The following KCNH8 variants were observed in gnomAD, a reference collection of about 807,000 sequenced individuals.
The protein encoded by KCNH8 is potassium voltage-gated channel subfamily H member 8.
Under a neutral mutation model 103.6 loss-of-function variants are expected in KCNH8, and 70 were observed. The observed-to-expected ratio is 0.68, with a 90% CI of 0.56 to 0.82. KCNH8 has a LOEUF of 0.82. Among genes scored for constraint, KCNH8 ranks in the 40% least tolerant of loss-of-function variants. KCNH8 has a pLI of 0.00. For synonymous variants in KCNH8, 498 were observed against 489.4 expected, an observed-to-expected ratio of 1.02 and a Z score of -0.23; for missense variants, 1,217 against 1,329.9, an observed-to-expected ratio of 0.92 and a Z score of 1.32.
intron 3 of KCNH8, among the ~76,000 whole-genome samples, chr3:19,325,982 CA>C (rs2065418020): frequency 1.3e-5 from 2 of 152,110 alleles, no homozygotes; most frequent in African/African-American, 4.8e-5. Context: ...TGTACATATA[CA>C]TCACAAAATA....
chr3:19,295,396 A>C (rs959604361), intron 3 of KCNH8, among the ~76,000 whole-genome samples: 2 of 143,422 alleles, frequency 1.4e-5, no homozygotes, highest in Non-Finnish European at 3.2e-5. Context: ...ATAAATAAAT[A>C]AATAAATAAA....
chr3:19,400,544 G>A (rs1021102099), intron 7 of KCNH8, among the ~76,000 whole-genome samples: 2 of 151,878 alleles, frequency 1.3e-5, no homozygotes, highest in African/African-American at 4.8e-5. Context: ...GTAATAGAGA[G>A]GAAGCTCTTT....
chr3:19,261,704 C>G (rs2064437985), intron 2 of KCNH8, among the ~76,000 whole-genome samples: 1 of 151,554 alleles, frequency 6.6e-6, no homozygotes, highest in East Asian at 1.9e-4. Flanking sequence ...TTTTCCTCCC[C>G]TATATTTTCT....
rs1438408355 is a variant in KCNH8, at chr3:19,449,045, T to A, written c.1376-1061T>A. ...AAAATCCTGTCATACCTTCTCTGAC[T>A]TGATGATACCTAGATGCTTCCCAAA... On this transcript the variant is annotated intron_variant, in intron 8 of 15. Coordinates refer to ENST00000328405, the MANE Select transcript of KCNH8 (RefSeq NM_144633.3). 8.0e-6 allele frequency: 8 copies of A among 997,306 alleles called. No individual in the cohort carries two copies. The African/African-American group carries it at 8.3e-5, about 10-fold the overall frequency. 61.8% of individuals were successfully genotyped at this position (997,306 alleles called of 1,614,324 possible). A position where few individuals can be genotyped will look rare whatever the true frequency, so the allele number is the denominator to read the frequency against.
intron 3 of KCNH8, among the ~76,000 whole-genome samples, chr3:19,297,603 G>C (rs945712014): frequency 6.6e-6 from 1 of 152,150 alleles, no homozygotes; most frequent in African/African-American, 2.4e-5. Flanking sequence ...ATGACTTCAG[G>C]TAAGCTCAAA....
chr3:19,361,334 G>A (rs1356725571), intron 5 of KCNH8, among the ~76,000 whole-genome samples: 4 of 152,056 alleles, frequency 2.6e-5, no homozygotes, highest in African/African-American at 7.2e-5. Flanking sequence ...TGAAAGTCTT[G>A]TGGAGTAAAG....
At chr3:19,460,321 A>C (rs1319054475) in intron 11 of KCNH8, among the ~76,000 whole-genome samples, 1 of 151,938 alleles carries the variant, frequency 6.6e-6, no homozygotes, top group Non-Finnish European at 1.5e-5. Context: ...TCTCCCCAAC[A>C]CCACGTGACT....
chr3:19,503,469 A>G (rs1246018213), intron 11 of KCNH8, among the ~76,000 whole-genome samples: 2 of 152,198 alleles, frequency 1.3e-5, no homozygotes, highest in South Asian at 2.1e-4. Flanking sequence ...CTATAAAGAC[A>G]CATGCACACG....
chr3:19,424,259 T>C (rs1466029264), intron 7 of KCNH8, among the ~76,000 whole-genome samples: 1 of 151,978 alleles, frequency 6.6e-6, no homozygotes, highest in Non-Finnish European at 1.5e-5. Context: ...GGTATAAAAA[T>C]AGGCACACAG....
chr3:19,372,187 A>G (rs973655751), intron 5 of KCNH8, among the ~76,000 whole-genome samples: 4 of 152,268 alleles, frequency 2.6e-5, no homozygotes, highest in Admixed American at 1.3e-4. Flanking sequence ...CACTGAATCT[A>G]TAAATTACCT....
intron 3 of KCNH8, among the ~76,000 whole-genome samples, chr3:19,337,258 C>T (rs1294943385): frequency 1.3e-5 from 2 of 151,876 alleles, no homozygotes; most frequent in Non-Finnish European, 2.9e-5. Flanking sequence ...AAACTAATGC[C>T]TAACAAAGTG....
chr3:19,523,125 A>C (rs529174671), intron 15 of KCNH8, among the ~76,000 whole-genome samples: 2 of 151,952 alleles, frequency 1.3e-5, no homozygotes, highest in South Asian at 4.1e-4. Context: ...CTTGGGCTCT[A>C]GCATTTTAGA....
chr3:19,377,274 A>G (rs2066222560), intron 5 of KCNH8, among the ~76,000 whole-genome samples: 1 of 152,218 alleles, frequency 6.6e-6, no homozygotes, highest in Admixed American at 6.5e-5. Flanking sequence ...TACAGGATCC[A>G]CATCAGGATC....
intron 11 of KCNH8, among the ~76,000 whole-genome samples, chr3:19,484,811 A>G (rs2125218046): frequency 6.6e-6 from 1 of 152,184 alleles, no homozygotes; most frequent in African/African-American, 2.4e-5. Context: ...TTGTTTGTGT[A>G]ATTTTTCTTA....
rs1466354448 is a variant in KCNH8 at position 19,320,683 on chromosome 3, A to G, written c.443-21904A>G. ...TTCCTGGTTTTGGTGTTAGGGTGAT[A>G]TTGGCCTTATAGAATGATTTAGGGA... On this transcript the variant is annotated intron_variant, in intron 3 of 15. Transcript: ENST00000328405. Among the ~76,000 whole-genome samples, 4 of 151,838 alleles carry G rather than the reference A, an allele frequency of 2.6e-5. No homozygotes were observed. In the East Asian group the frequency reaches 5.8e-4, roughly 22 times the overall value.
chr3:19,150,976 A>G (rs908814658), intron 1 of KCNH8, among the ~76,000 whole-genome samples: 6 of 152,072 alleles, frequency 3.9e-5, no homozygotes, highest in African/African-American at 4.8e-5. Flanking sequence ...CCCCCACTCA[A>G]TGAAAGAGGG....
At chr3:19,228,617 T>C (rs2063958692) in intron 1 of KCNH8, among the ~76,000 whole-genome samples, 1 of 152,230 alleles carries the variant, frequency 6.6e-6, no homozygotes, top group African/African-American at 2.4e-5. Flanking sequence ...CATTGCTAGT[T>C]CTGTGATTCA....
chr3:19,277,986 C>A (rs909504287), intron 2 of KCNH8, among the ~76,000 whole-genome samples: 1 of 152,100 alleles, frequency 6.6e-6, no homozygotes, highest in Non-Finnish European at 1.5e-5. Flanking sequence ...TGCAGCCTCC[C>A]ACCTTAACCC....
At chr3:19,208,812 A>T (rs1443792481) in intron 1 of KCNH8, among the ~76,000 whole-genome samples, 1 of 151,888 alleles carries the variant, frequency 6.6e-6, no homozygotes, top group Non-Finnish European at 1.5e-5. Flanking sequence ...CTCCAAAGAG[A>T]AATTTTTCCT....
Sources: allele counts gnomAD v4.1 joint callset (sites outside exome capture counted in the v4.1 genomes callset), GRCh38; gene constraint gnomAD v4.1.1; transcripts MANE v1.5; gene names NCBI Gene and HGNC (gene_info 2026-07-23, HGNC 2026-07-21).